NPAS2: variants seen among roughly 807,000 people sequenced by gnomAD.
NPAS2 encodes neuronal PAS domain protein 2.
Under a neutral mutation model 107.5 loss-of-function variants are expected in NPAS2, and 23 were observed. That is an observed-to-expected ratio of 0.21 (90% confidence interval 0.15 to 0.30). The LOEUF (loss-of-function observed/expected upper bound fraction) is 0.30, where lower values mean the gene tolerates loss of function less well. Ranked by LOEUF, NPAS2 falls within the 10% of genes least tolerant of loss-of-function variation. The pLI, the probability that NPAS2 is intolerant of heterozygous loss-of-function variation, is 1.00. For synonymous variants in NPAS2, 403 were observed against 417.5 expected, an observed-to-expected ratio of 0.97 and a Z score of 0.42; for missense variants, 756 against 1,043.3, an observed-to-expected ratio of 0.72 and a Z score of 3.79.
In NPAS2 at chr2:100,968,439, C is replaced by G. The variant is rs370543449; in HGVS notation, c.1055+11C>G. On this transcript the variant is annotated intron_variant, in intron 11 of 20. Transcript: ENST00000335681. The surrounding 1 kb of genome is among the most constrained non-coding windows in gnomAD (Gnocchi z 5.3). ...ACACTCGGTGGTCAGGTACCGCGCACGGGCAGGGGTGCGGCTGCGTCCTTG... is the reference window on the plus strand; with the variant it reads ...ACACTCGGTGGTCAGGTACCGCGCAGGGGCAGGGGTGCGGCTGCGTCCTTG... 3.7e-6 allele frequency: 6 copies of G among 1,611,494 alleles called. No homozygotes were observed. The highest frequency in any genetic ancestry group is 1.3e-5 in the African/African-American group (1 of 74,806).
chr2:100,931,088 C>T (rs1306687585), intron 3 of NPAS2, among the ~76,000 whole-genome samples: 2 of 152,222 alleles, frequency 1.3e-5, no homozygotes, highest in Non-Finnish European at 2.9e-5. Context: ...AGAATGGATT[C>T]TGGCCCACGA....
chr2:100,926,935 T>C (rs917769379), intron 3 of NPAS2, among the ~76,000 whole-genome samples: 4 of 145,636 alleles, frequency 2.7e-5, no homozygotes, highest in South Asian at 2.2e-4. Flanking sequence ...TTTTCTTTTT[T>C]TCTTTCTTTT....
At chr2:100,846,296 G>C (rs1677770501) in intron 1 of NPAS2, among the ~76,000 whole-genome samples, 1 of 152,176 alleles carries the variant, frequency 6.6e-6, no homozygotes, top group Non-Finnish European at 1.5e-5. Context: ...CAGAGTTTAA[G>C]GCATTAAGTT....
At chr2:100,992,516 TCC>T (rs1491137278) in intron 19 of NPAS2, among the ~76,000 whole-genome samples, 28,239 of 152,288 alleles carry the variant, frequency 0.19, 2,823 homozygotes, top group Middle Eastern at 0.32. Flanking sequence ...GATAGAGTTC[TCC>T]CTAGATCTGT....
chr2:100,882,909 G>A (rs1680463096), intron 1 of NPAS2, among the ~76,000 whole-genome samples: 1 of 152,164 alleles, frequency 6.6e-6, no homozygotes, highest in Non-Finnish European at 1.5e-5. Context: ...TAGGGGAGGG[G>A]CCCACTCCTT....
At chr2:100,840,424 A>G (rs72968195) in intron 1 of NPAS2, among the ~76,000 whole-genome samples, 3,392 of 152,252 alleles carry the variant, frequency 0.022, 129 homozygotes, top group African/African-American at 0.077. Flanking sequence ...GCTGAAGGAC[A>G]GGAAGCCTCT....
intron 2 of NPAS2, among the ~76,000 whole-genome samples, chr2:100,905,227 A>G (rs1682070864): frequency 6.6e-6 from 1 of 152,120 alleles, no homozygotes; most frequent in African/African-American, 2.4e-5. Context: ...GCATGCAGTC[A>G]TCACCCAGCA....
chr2:100,948,454 A>G (rs913603808), intron 6 of NPAS2, 99 bp downstream of exon 6: 2 of 1,109,012 alleles, frequency 1.8e-6, no homozygotes, highest in African/African-American at 3.2e-5. Context: ...AATTTTAAGA[A>G]TAATTTTCCT....
chr2:100,933,631 A>G (rs375703433), intron 4 of NPAS2, among the ~76,000 whole-genome samples: 2 of 152,198 alleles, frequency 1.3e-5, no homozygotes, highest in South Asian at 2.1e-4. Context: ...GATCTAAATG[A>G]GTCCCTTTCC....
chr2:100,946,680 C>A (rs560687963), intron 5 of NPAS2, among the ~76,000 whole-genome samples: 48 of 152,272 alleles, frequency 3.2e-4, no homozygotes, highest in Admixed American at 3.1e-3. Context: ...CCTCTGACTG[C>A]TGATGGAGAA....
chr2:100,961,560 G>A (rs72818964), intron 7 of NPAS2, among the ~76,000 whole-genome samples: 17,654 of 152,146 alleles, frequency 0.12, 1,332 homozygotes, highest in Non-Finnish European at 0.17. Flanking sequence ...TTCCTTTTGG[G>A]GGGTGCATTT....
At chr2:100,921,293 G>T (rs181003908) in intron 2 of NPAS2, among the ~76,000 whole-genome samples, 21 of 152,300 alleles carry the variant, frequency 1.4e-4, no homozygotes, top group Admixed American at 1.2e-3. Context: ...AATAGTACCT[G>T]CCTTAAAGGG....
In NPAS2 at chr2:100,965,559, A is replaced by G; in HGVS notation, c.801-101A>G. ...ATTTTTCTCCCCTTGTTCTTGAGAA[A>G]TGAGGCCTCCATGTTGATCATTATG... On this transcript the variant is annotated intron_variant, in intron 9 of 20. Coordinates refer to ENST00000335681, the MANE Select transcript of NPAS2 (RefSeq NM_002518.4). This position sits in a 1 kb window ranked among gnomAD's most constrained non-coding sequence, Gnocchi z 4.3. 1 of 670,086 alleles carries G rather than the reference A, an allele frequency of 1.5e-6. No homozygotes were observed. Among genetic ancestry groups the G allele is most frequent in the African/African-American group, 1.8e-5 (1 of 54,448 alleles). The allele number at this position is 670,086 out of a possible 1,614,324, so 41.5% of individuals were successfully genotyped here.
chr2:100,897,763 C>A (rs1463100555), intron 1 of NPAS2, among the ~76,000 whole-genome samples: 1 of 152,232 alleles, frequency 6.6e-6, no homozygotes, highest in African/African-American at 2.4e-5. Flanking sequence ...TATTTGCTTG[C>A]CTGCAGTTTT....
intron 1 of NPAS2, among the ~76,000 whole-genome samples, chr2:100,854,904 G>T (rs189072903): frequency 6.6e-6 from 1 of 152,180 alleles, no homozygotes; most frequent in Admixed American, 6.5e-5. Flanking sequence ...ACCCTGAAAC[G>T]CTGTGTGAGA....
chr2:100,977,808 G>A lies in NPAS2; in HGVS notation c.1482+9G>A. The A allele has an allele frequency of 6.2e-7, 1 of 1,613,034 alleles. No homozygotes were observed. The highest frequency in any genetic ancestry group is 1.3e-5 in the African/African-American group (1 of 75,038). On this transcript the variant is annotated intron_variant, in intron 15 of 20. Transcript: ENST00000335681. ...CCGCTCCCATGGCACAGGTGAGTCTGGGACCCAGGAAAGGGCAGCCCCTCT... is the reference window on the plus strand; with the variant it reads ...CCGCTCCCATGGCACAGGTGAGTCTAGGACCCAGGAAAGGGCAGCCCCTCT...
At chr2:100,986,723 T>C (rs1017929174) in intron 16 of NPAS2, 1 of 152,254 alleles carries the variant, frequency 6.6e-6, no homozygotes, top group African/African-American at 2.4e-5. Context: ...TTTATGAATC[T>C]ACTAATTTGG....
chr2:100,924,726 AC>A (rs34573329), intron 2 of NPAS2, among the ~76,000 whole-genome samples: 21,614 of 152,058 alleles, frequency 0.14, 1,739 homozygotes, highest in Middle Eastern at 0.18. Context: ...ATACCTGGCC[AC>A]CCCGTGGGCC....
intron 1 of NPAS2, among the ~76,000 whole-genome samples, chr2:100,863,213 G>T (rs1187120007): frequency 6.6e-6 from 1 of 152,192 alleles, no homozygotes; most frequent in Non-Finnish European, 1.5e-5. Flanking sequence ...CCAAGTGCTG[G>T]AGCATCTCAC....
Sources: gnomAD v4.1 joint callset for allele counts (sites outside exome capture counted in the v4.1 genomes callset) on GRCh38, gnomAD v4.1.1 for gene constraint, Gnocchi (gnomAD v3.1) non-coding constraint, MANE v1.5 for transcripts, NCBI Gene and HGNC (gene_info 2026-07-23, HGNC 2026-07-21) for gene names.